PRKN: variants seen among roughly 807,000 people sequenced by gnomAD.
PRKN encodes E3 ubiquitin-protein ligase parkin.
Under a neutral mutation model 59.5 loss-of-function variants are expected in PRKN, and 56 were observed. The ratio of observed to expected loss-of-function variants is 0.94; its 90% CI spans 0.76 to 1.18. The LOEUF is 1.18. PRKN is among the 50% of genes most tolerant of loss of function. The pLI is 0.00. For missense variants in PRKN, 657 were observed against 596.4 expected (o/e 1.10, Z -1.06); for synonymous variants, 250 against 222.1 (o/e 1.13, Z -1.12).
At chr6:161,556,015 T>C (rs991682185) in intron 8 of PRKN, among the ~76,000 whole-genome samples, 1 of 152,200 alleles carries the variant, frequency 6.6e-6, no homozygotes, top group South Asian at 2.1e-4. Flanking sequence ...TTTAGTTAGG[T>C]AATTTTATTA....
intron 1 of PRKN, among the ~76,000 whole-genome samples, chr6:162,496,233 T>C (rs1793059088): frequency 6.6e-6 from 1 of 151,702 alleles, no homozygotes; most frequent in South Asian, 2.1e-4. Flanking sequence ...CGAGACTCAG[T>C]CTCGGGGGAA....
At chr6:162,523,006 G>A (rs145527512) in intron 1 of PRKN, among the ~76,000 whole-genome samples, 5 of 152,128 alleles carry the variant, frequency 3.3e-5, no homozygotes, top group South Asian at 4.1e-4. Flanking sequence ...TACCAGCATC[G>A]AAACCTTGGA....
intron 1 of PRKN, among the ~76,000 whole-genome samples, chr6:162,679,742 G>A (rs570242218): frequency 2.0e-5 from 3 of 152,218 alleles, no homozygotes; most frequent in African/African-American, 4.8e-5. Context: ...TCAAAAGGGC[G>A]AATACTTTAC....
At chr6:161,865,389 A>T (rs947313902) in intron 6 of PRKN, among the ~76,000 whole-genome samples, 3 of 152,152 alleles carry the variant, frequency 2.0e-5, no homozygotes, top group African/African-American at 7.2e-5. Flanking sequence ...TTAGCCCCTA[A>T]CAAGGGAGTC....
rs1183533799 is a variant in PRKN at position 161,467,225 on chromosome 6, C to A, written c.1084-80348G>T. 1.3e-5 allele frequency among the ~76,000 whole-genome samples: 2 copies of A among 152,200 alleles called. No homozygotes were observed. Among genetic ancestry groups the A allele is most frequent in the Non-Finnish European group, 2.9e-5 (2 of 68,044 alleles). ...GAGAGAGACTTCTTCCATCTACACC[C>A]TTCTGTCTTAAGTATAATTCACTCA... On this transcript the variant is annotated intron_variant, in intron 9 of 11. Coordinates refer to ENST00000366898, the MANE Select transcript of PRKN (RefSeq NM_004562.3). This position sits in a 1 kb window ranked among gnomAD's most constrained non-coding sequence, Gnocchi z 4.3.
At chr6:162,689,367 GAAA>G (rs144904698) in intron 1 of PRKN, among the ~76,000 whole-genome samples, 192 of 148,500 alleles carry the variant, frequency 1.3e-3, no homozygotes, top group African/African-American at 4.2e-3. Context: ...ACTACTATAG[GAAA>G]AAAAAAACTG....
chr6:162,502,627 T>G (rs1303606874), intron 1 of PRKN, among the ~76,000 whole-genome samples: 1 of 152,158 alleles, frequency 6.6e-6, no homozygotes, highest in Non-Finnish European at 1.5e-5. Context: ...TCATTAATAT[T>G]TTCATTTAAA....
At chr6:162,135,720 T>C (rs116086562) in intron 4 of PRKN, among the ~76,000 whole-genome samples, 2,351 of 151,536 alleles carry the variant, frequency 0.016, 58 homozygotes, top group African/African-American at 0.055. Flanking sequence ...TCAGAGAAGG[T>C]AGAAGGTGAA....
chr6:162,393,155 CT>C (rs1177332315), intron 2 of PRKN, among the ~76,000 whole-genome samples: 2,952 of 80,128 alleles, frequency 0.037, 126 homozygotes, highest in African/African-American at 0.14. Context: ...ATAGGAGATT[CT>C]TTTTTTTTTT....
At chr6:162,037,471 C>G (rs1200156193) in intron 5 of PRKN, among the ~76,000 whole-genome samples, 2 of 151,668 alleles carry the variant, frequency 1.3e-5, no homozygotes, top group Non-Finnish European at 2.9e-5. Context: ...GGAAAACAGA[C>G]TTGGAAGAAT....
At chr6:162,132,997 C>T (rs1210021171) in intron 4 of PRKN, among the ~76,000 whole-genome samples, 3 of 152,166 alleles carry the variant, frequency 2.0e-5, no homozygotes, top group African/African-American at 7.2e-5. Flanking sequence ...ATTGTCGGGG[C>T]AGCAGAACAT....
At chr6:162,328,484 G>T (rs527257811) in intron 2 of PRKN, among the ~76,000 whole-genome samples, 1 of 152,154 alleles carries the variant, frequency 6.6e-6, no homozygotes, top group Non-Finnish European at 1.5e-5. Flanking sequence ...ACTGAACAAC[G>T]AATGTGTATT....
chr6:161,892,913 C>T (rs1053307158), intron 6 of PRKN, among the ~76,000 whole-genome samples: 4 of 152,184 alleles, frequency 2.6e-5, no homozygotes, highest in African/African-American at 9.6e-5. Flanking sequence ...TGCAATCTTG[C>T]CTCACTGCAA....
At chr6:162,712,347 T>C (rs1778567732) in intron 1 of PRKN, among the ~76,000 whole-genome samples, 1 of 152,144 alleles carries the variant, frequency 6.6e-6, no homozygotes, top group Non-Finnish European at 1.5e-5. Flanking sequence ...CCTTAAATAA[T>C]GAAGTAATGT....
At chr6:161,806,486 C>T (rs540285288) in intron 6 of PRKN, among the ~76,000 whole-genome samples, 70 of 152,248 alleles carry the variant, frequency 4.6e-4, no homozygotes, top group African/African-American at 1.3e-3. Flanking sequence ...CCAGACTTGC[C>T]CAGTCTCTCT....
chr6:161,743,470 C>T (rs1041004402), intron 7 of PRKN, among the ~76,000 whole-genome samples: 4 of 151,624 alleles, frequency 2.6e-5, no homozygotes, highest in African/African-American at 4.8e-5. Context: ...AGAATGGTCT[C>T]GATCTCCTGA....
chr6:162,220,762 T>A (rs1777891526), intron 3 of PRKN, among the ~76,000 whole-genome samples: 1 of 152,176 alleles, frequency 6.6e-6, no homozygotes, highest in Non-Finnish European at 1.5e-5. Context: ...CAGGCAGCCG[T>A]CAGGGAAAAG....
At chr6:161,570,138 A>ATATATAT (rs1401631518) in intron 7 of PRKN, among the ~76,000 whole-genome samples, 1 of 132,788 alleles carries the variant, frequency 7.5e-6, no homozygotes, top group South Asian at 2.2e-4. Context: ...AAAAAAAAAA[A>ATATATAT]AAAAAAAAAT....
intron 6 of PRKN, among the ~76,000 whole-genome samples, chr6:161,945,242 T>G (rs1779736727): frequency 1.3e-5 from 2 of 152,290 alleles, no homozygotes; most frequent in South Asian, 2.1e-4. Flanking sequence ...ATCAATCTTT[T>G]GTTTGTCCTG....
Sources: gnomAD v4.1 joint callset for allele counts (sites outside exome capture counted in the v4.1 genomes callset) on GRCh38, gnomAD v4.1.1 for gene constraint, Gnocchi (gnomAD v3.1) non-coding constraint, MANE v1.5 for transcripts, NCBI Gene and HGNC (gene_info 2026-07-23, HGNC 2026-07-21) for gene names.